PGM5: variants seen among roughly 807,000 people sequenced by gnomAD.
The protein encoded by PGM5 is phosphoglucomutase-like protein 5.
In PGM5, 23 loss-of-function variants were observed where a neutral mutation model predicts 59.2. That is an observed-to-expected ratio of 0.39 (90% CI 0.28 to 0.55). The LOEUF (loss-of-function observed/expected upper bound fraction) is 0.55, where lower values mean the gene tolerates loss of function less well. Among genes scored for constraint, PGM5 ranks in the 20% least tolerant of loss-of-function variants. The probability of loss-of-function intolerance (pLI) is 0.66; values close to 1 mark genes in which losing one functional copy is unlikely to be tolerated. For synonymous variants in PGM5, 214 were observed against 286.0 expected, an observed-to-expected ratio of 0.75 and a Z score of 2.54; for missense variants, 574 against 748.3, an observed-to-expected ratio of 0.77 and a Z score of 2.72.
At chr9:68,428,154 G>A (rs1823269125) in intron 6 of PGM5, among the ~76,000 whole-genome samples, 1 of 152,182 alleles carries the variant, frequency 6.6e-6, no homozygotes, top group Non-Finnish European at 1.5e-5. Context: ...ATGAAACTCA[G>A]TTTGGTAATA....
chr9:68,481,955 A>T (rs555229196), intron 8 of PGM5, among the ~76,000 whole-genome samples: 1 of 152,316 alleles, frequency 6.6e-6, no homozygotes, highest in African/African-American at 2.4e-5. Context: ...TAATAAAACA[A>T]TTTCACTTTA....
At chr9:68,466,151 T>C (rs552510588) in intron 7 of PGM5, 2 of 1,300,840 alleles carry the variant, frequency 1.5e-6, no homozygotes, top group South Asian at 2.5e-5. Flanking sequence ...TTTTTTCTTC[T>C]TGTGTTTCAG....
At chr9:68,451,144 T>C (rs140785365) in intron 6 of PGM5, among the ~76,000 whole-genome samples, 2 of 152,282 alleles carry the variant, frequency 1.3e-5, no homozygotes, top group East Asian at 3.9e-4. Context: ...TTATCCCTCA[T>C]TGGCACTTTC....
chr9:68,483,989 G>A lies in PGM5; in HGVS notation c.1420G>A (p.Ala474Thr), dbSNP rs782514355. 4 of 1,614,094 alleles carry A rather than the reference G, an allele frequency of 2.5e-6. No homozygotes were observed. The South Asian group carries it at 3.3e-5, about 13-fold the overall frequency. ...FAVGSHVYSV[A>T]KTDSFEYVDP... is the part of the protein sequence containing the mutation. The stretch of plus-strand genomic sequence containing the variant: ...TGTGGGGAGCCATGTCTACAGCGTG[G>A]CGAAGACGGATAGTTTTGAATACGT... The change falls in exon 9 of 11, where the codon GCG (alanine) becomes ACG (threonine). Residue 474 changes from alanine to threonine, a missense_variant. Ala to Thr is a moderately conservative substitution (Grantham distance 58). This residue lies in a region of PGM5 where 300 missense variants were observed against 280.0 expected (regional missense o/e 1.07). Transcript: ENST00000396396.
intron 9 of PGM5, among the ~76,000 whole-genome samples, chr9:68,487,368 C>A (rs576791633): frequency 6.6e-6 from 1 of 151,830 alleles, no homozygotes; most frequent in East Asian, 1.9e-4. Flanking sequence ...ATATCAGTTC[C>A]CTCCCCTTGA....
intron 6 of PGM5, among the ~76,000 whole-genome samples, chr9:68,415,784 T>TATCG (rs1823014487): frequency 2.7e-5 from 1 of 37,358 alleles, no homozygotes; most frequent in Admixed American, 3.0e-4. Flanking sequence ...AGGGAATATC[T>TATCG]ATCTATCTAT....
In PGM5 at chr9:68,515,479, T is replaced by C. The variant is rs146259581; in HGVS notation, c.1615-14088T>C. On this transcript the variant is annotated intron_variant, in intron 10 of 10. Transcript: ENST00000396396. ...CCTTGCTAACTTCTTTAGAATCTGA[T>C]ACACCCTTAAGGAATGTGTTCCAAA... is the stretch of plus-strand genomic sequence containing the variant. Among the ~76,000 whole-genome samples the C allele has an allele frequency of 2.6e-3, 396 of 152,356 alleles. 2 individuals are homozygous for C. Among genetic ancestry groups the C allele is most frequent in the Non-Finnish European group, 4.5e-3 (305 of 68,028 alleles).
intron 6 of PGM5, among the ~76,000 whole-genome samples, chr9:68,434,421 A>G (rs1823412080): frequency 6.6e-6 from 1 of 152,098 alleles, no homozygotes; most frequent in Non-Finnish European, 1.5e-5. Flanking sequence ...AGAATTTTGC[A>G]TTGATAGGGT....
At chr9:68,497,249 G>A (rs890131065) in intron 9 of PGM5, 1 of 152,204 alleles carries the variant, frequency 6.6e-6, no homozygotes, top group African/African-American at 2.4e-5. Context: ...CCAGGCTTAA[G>A]GAGGACAACT....
At position 68,371,642 on chromosome 9, in the gene PGM5, T is replaced by C. The variant is rs1174978503; in HGVS notation, c.262-6557T>C. On this transcript the variant is annotated intron_variant, in intron 1 of 10. Coordinates refer to ENST00000396396, the MANE Select transcript of PGM5 (RefSeq NM_021965.4). ...GATGCAGAGCCTCAGAGAAGTTAAA[T>C]GATTGATCCTATGTCAGGGGATAGT... 2.8e-5 allele frequency: 4 copies of C among 144,148 alleles called. No individual in the cohort carries two copies. In the South Asian group the frequency reaches 8.8e-4, roughly 32 times the overall value. 8.9% of individuals were successfully genotyped at this position (144,148 alleles called of 1,614,324 possible).
At chr9:68,464,980 G>A in intron 6 of PGM5, 113 bp from the exon 7 acceptor site, 1 of 623,236 alleles carries the variant, frequency 1.6e-6, no homozygotes, top group Non-Finnish European at 2.8e-6. Context: ...TACCCAGGTT[G>A]TTCTGAAATC....
chr9:68,418,753 A>G (rs1317367954), intron 6 of PGM5, among the ~76,000 whole-genome samples: 1 of 151,962 alleles, frequency 6.6e-6, no homozygotes, highest in Non-Finnish European at 1.5e-5. Flanking sequence ...GGAGATGAAC[A>G]GCTCCCTTGT....
chr9:68,474,512 T>C (rs1385413762), intron 7 of PGM5, among the ~76,000 whole-genome samples: 1 of 152,062 alleles, frequency 6.6e-6, no homozygotes, highest in Non-Finnish European at 1.5e-5. Context: ...GTTTTGAAGA[T>C]TGAGAAAATT....
At chr9:68,453,801 G>A (rs1430076701) in intron 6 of PGM5, among the ~76,000 whole-genome samples, 1 of 152,202 alleles carries the variant, frequency 6.6e-6, no homozygotes, top group Non-Finnish European at 1.5e-5. Context: ...TTACCTTCAA[G>A]AGACTAACGG....
At chr9:68,418,983 CG>C (rs1823083620) in intron 6 of PGM5, among the ~76,000 whole-genome samples, 1 of 152,068 alleles carries the variant, frequency 6.6e-6, no homozygotes, top group South Asian at 2.1e-4. Flanking sequence ...TCAGGTGGCC[CG>C]TTTCAAAATG....
chr9:68,365,753 C>G (rs1482188840), intron 1 of PGM5, among the ~76,000 whole-genome samples: 3 of 152,028 alleles, frequency 2.0e-5, no homozygotes, highest in Non-Finnish European at 2.9e-5. Context: ...TGGTTTTTAG[C>G]TATCAATATG....
chr9:68,380,764 A>G (rs1822051754), intron 2 of PGM5, among the ~76,000 whole-genome samples: 2 of 152,034 alleles, frequency 1.3e-5, no homozygotes, highest in Admixed American at 1.3e-4. Flanking sequence ...TGCAATAGAT[A>G]CCTCAGAAAT....
At chr9:68,526,224 G>C (rs1292635087) in intron 10 of PGM5, among the ~76,000 whole-genome samples, 1 of 152,156 alleles carries the variant, frequency 6.6e-6, no homozygotes, top group Non-Finnish European at 1.5e-5. Flanking sequence ...TGGCTGAAAA[G>C]ACTGAACATC....
At chr9:68,369,354 G>A (rs149146183) in intron 1 of PGM5, among the ~76,000 whole-genome samples, 3 of 152,246 alleles carry the variant, frequency 2.0e-5, no homozygotes, top group African/African-American at 4.8e-5. Flanking sequence ...TTACCTCAGG[G>A]CACTCAACTC....
Sources: allele counts gnomAD v4.1 joint callset (sites outside exome capture counted in the v4.1 genomes callset), GRCh38; gene constraint gnomAD v4.1.1; regional missense constraint gnomAD v4.1.1; transcripts MANE v1.5; gene names NCBI Gene and HGNC (gene_info 2026-07-23, HGNC 2026-07-21).